The following DNER variants were observed in gnomAD, a reference collection of about 807,000 sequenced individuals.
The protein encoded by DNER is delta/notch like EGF repeat containing, also known as delta and Notch-like epidermal growth factor-related receptor.
Under a neutral mutation model 78.2 loss-of-function variants are expected in DNER, and 33 were observed. The observed-to-expected ratio is 0.42, with a 90% confidence interval of 0.32 to 0.56. The LOEUF is 0.56. Among genes scored for constraint, DNER ranks in the 20% least tolerant of loss-of-function variants. The probability of loss-of-function intolerance (pLI) is 0.11; values close to 1 mark genes in which losing one functional copy is unlikely to be tolerated. For synonymous variants in DNER, 417 were observed against 384.8 expected (o/e 1.08, Z -0.98); for missense variants, 918 against 975.3 (o/e 0.94, Z 0.78).
chr2:229,427,911 C>T (rs1352970572), intron 8 of DNER, among the ~76,000 whole-genome samples: 5 of 151,726 alleles, frequency 3.3e-5, no homozygotes. Context: ...CTCGTCTCTA[C>T]TAAAAATGCA....
chr2:229,712,885 G>T (rs1699931147), intron 1 of DNER, among the ~76,000 whole-genome samples: 1 of 152,086 alleles, frequency 6.6e-6, no homozygotes, highest in Admixed American at 6.5e-5. Context: ...TTGCTAATTT[G>T]CTATTAAATG....
intron 1 of DNER, among the ~76,000 whole-genome samples, chr2:229,615,424 A>C (rs1698135583): frequency 7.2e-6 from 1 of 139,786 alleles, no homozygotes; most frequent in Non-Finnish European, 1.5e-5. Flanking sequence ...AAAAAAAAAA[A>C]AAAGGCCGGG....
At chr2:229,462,793 T>C (rs373266692) in intron 7 of DNER, among the ~76,000 whole-genome samples, 2 of 152,142 alleles carry the variant, frequency 1.3e-5, no homozygotes, top group South Asian at 4.1e-4. Context: ...TCACCAGTCT[T>C]ACGCCACATG....
intron 10 of DNER, among the ~76,000 whole-genome samples, chr2:229,388,632 TATATATATATATATAG>T (rs1249750010): frequency 2.2e-5 from 2 of 91,932 alleles, no homozygotes; most frequent in African/African-American, 8.9e-5. Flanking sequence ...TATATATATA[TATATATATATATATAG>T]CACTGGTAAA....
chr2:229,684,795 G>A (rs1011860738), intron 1 of DNER, among the ~76,000 whole-genome samples: 1 of 152,172 alleles, frequency 6.6e-6, no homozygotes, highest in Non-Finnish European at 1.5e-5. Flanking sequence ...TGGTCTTCAT[G>A]ATTAGCACCT....
chr2:229,416,585 C>T (rs748678888), intron 9 of DNER, among the ~76,000 whole-genome samples: 1 of 152,176 alleles, frequency 6.6e-6, no homozygotes, highest in Non-Finnish European at 1.5e-5. Flanking sequence ...GCCATGAGAT[C>T]AGTACACCCC....
chr2:229,359,700 T>C (rs1375356115), intron 12 of DNER, among the ~76,000 whole-genome samples: 2 of 152,206 alleles, frequency 1.3e-5, no homozygotes, highest in African/African-American at 2.4e-5. Flanking sequence ...TTTTTTCCTT[T>C]GATATGTTGA....
chr2:229,706,094 C>T (rs1408553950), intron 1 of DNER, among the ~76,000 whole-genome samples: 4 of 152,050 alleles, frequency 2.6e-5, no homozygotes, highest in Non-Finnish European at 5.9e-5. Context: ...TAGAGGTAGC[C>T]ATCAAGAGGG....
intron 6 of DNER, among the ~76,000 whole-genome samples, chr2:229,478,863 A>G (rs754778610): frequency 4.6e-5 from 7 of 152,000 alleles, no homozygotes; most frequent in Non-Finnish European, 1.0e-4. Context: ...GGTTTGTTAC[A>G]TAGGTAAACG....
chr2:229,531,485 G>A (rs567199985), intron 5 of DNER, among the ~76,000 whole-genome samples: 9 of 152,084 alleles, frequency 5.9e-5, no homozygotes, highest in African/African-American at 2.2e-4. Context: ...TCAGAGGGAT[G>A]GCAAGAATAA....
chr2:229,492,251 A>G (rs1026987764), intron 6 of DNER, among the ~76,000 whole-genome samples: 1 of 152,234 alleles, frequency 6.6e-6, no homozygotes, highest in Non-Finnish European at 1.5e-5. Flanking sequence ...AAGAAAGGTT[A>G]GGAGGATCAC....
intron 4 of DNER, among the ~76,000 whole-genome samples, chr2:229,550,681 C>A (rs1574898077): frequency 6.6e-6 from 1 of 152,218 alleles, no homozygotes; most frequent in East Asian, 1.9e-4. Flanking sequence ...GAGGCTGAGG[C>A]AGGGGAATCG....
intron 8 of DNER, among the ~76,000 whole-genome samples, chr2:229,429,152 G>A (rs538347080): frequency 8.5e-5 from 13 of 152,310 alleles, no homozygotes; most frequent in Admixed American, 8.5e-4. Context: ...CAATGTGAGA[G>A]TTTGAGAGAC....
chr2:229,684,169 AGTGTGTGT>A lies in DNER; in HGVS notation c.276+29971_276+29978del, dbSNP rs59016911. ...GTGAGAGAGAGAGAGAGAGAGAGAG[AGTGTGTGT>A]GTGTGTGTGTGTGTGTGTGTGTGTG... is the stretch of plus-strand genomic sequence containing the variant. On this transcript the variant is annotated intron_variant, in intron 1 of 12. Coordinates refer to ENST00000341772, the MANE Select transcript of DNER (RefSeq NM_139072.4). Among the ~76,000 whole-genome samples, 391 of 94,626 alleles carry A rather than the reference AGTGTGTGT, an allele frequency of 4.1e-3. 4 individuals are homozygous for A. The highest frequency in any genetic ancestry group is 0.015 in the African/African-American group (345 of 22,266). The allele number at this position is 94,626 out of a possible 152,430, so 62.1% of individuals were successfully genotyped here.
At chr2:229,621,273 A>G (rs1003951660) in intron 1 of DNER, among the ~76,000 whole-genome samples, 1 of 152,190 alleles carries the variant, frequency 6.6e-6, no homozygotes, top group Admixed American at 6.5e-5. Context: ...GATCATTCCT[A>G]CATACCGTTG....
intron 1 of DNER, among the ~76,000 whole-genome samples, chr2:229,681,060 A>T (rs1191895071): frequency 6.6e-6 from 1 of 152,220 alleles, no homozygotes; most frequent in Non-Finnish European, 1.5e-5. Flanking sequence ...GGGTATGCTG[A>T]TAAAAGTTTA....
At chr2:229,480,928 T>C (rs1695144193) in intron 6 of DNER, among the ~76,000 whole-genome samples, 1 of 152,232 alleles carries the variant, frequency 6.6e-6, no homozygotes, top group Admixed American at 6.5e-5. Flanking sequence ...GACATGTCTG[T>C]GGGTTCAGTA....
chr2:229,489,102 G>A (rs764079335), intron 6 of DNER, among the ~76,000 whole-genome samples: 5 of 152,250 alleles, frequency 3.3e-5, no homozygotes, highest in African/African-American at 4.8e-5. Flanking sequence ...GCTGCACTTG[G>A]GCAATCTGGC....
intron 10 of DNER, among the ~76,000 whole-genome samples, chr2:229,397,885 A>AT (rs1693182942): frequency 6.6e-6 from 1 of 152,188 alleles, no homozygotes; most frequent in African/African-American, 2.4e-5. Context: ...ACTGAGGGGG[A>AT]AATTTATAGC....
Sources: gnomAD v4.1 joint callset for allele counts (sites outside exome capture counted in the v4.1 genomes callset) on GRCh38, gnomAD v4.1.1 for gene constraint, MANE v1.5 for transcripts, NCBI Gene and HGNC (gene_info 2026-07-23, HGNC 2026-07-21) for gene names.